Variants in LCORL observed in about 807,000 individuals in gnomAD.
The protein encoded by LCORL is ligand dependent nuclear receptor corepressor like, also known as ligand-dependent nuclear receptor corepressor-like protein.
In LCORL, 41 loss-of-function variants were observed where a neutral mutation model predicts 141.8. That is an observed-to-expected ratio of 0.29 (90% confidence interval 0.23 to 0.38). LCORL has a LOEUF of 0.38. LCORL is among the 10% of genes least tolerant of loss of function. The pLI is 1.00. For missense variants in LCORL, 1,759 were observed against 2,035.0 expected, an observed-to-expected ratio of 0.86 and a Z score of 2.61; for synonymous variants, 618 against 694.1, an observed-to-expected ratio of 0.89 and a Z score of 1.72.
intron 5 of LCORL, among the ~76,000 whole-genome samples, chr4:17,895,837 A>T (rs993632662): frequency 5.9e-5 from 9 of 152,172 alleles, no homozygotes; most frequent in Admixed American, 5.2e-4. Flanking sequence ...TACTTAGCAC[A>T]ATGTTTTTAA....
At chr4:17,877,071 T>A in exon 7 of LCORL, 1 of 1,230,760 alleles carries the variant, frequency 8.1e-7, no homozygotes, top group African/African-American at 1.6e-5. Flanking sequence ...TCTTGTAAAA[T>A]TTTCATCAAG....
chr4:18,013,213 C>A (rs1027714456), intron 1 of LCORL, among the ~76,000 whole-genome samples: 1 of 152,148 alleles, frequency 6.6e-6, no homozygotes. Context: ...TACTCTTCAG[C>A]CAGTGACCTT....
intron 1 of LCORL, among the ~76,000 whole-genome samples, chr4:17,990,293 G>T (rs948199608): frequency 6.6e-6 from 1 of 151,730 alleles, no homozygotes; most frequent in African/African-American, 2.4e-5. Context: ...ACAGATGGGG[G>T]TTTCACCATG....
intron 7 of LCORL, among the ~76,000 whole-genome samples, chr4:17,856,103 G>A (rs1724333033): frequency 6.6e-6 from 1 of 152,086 alleles, no homozygotes; most frequent in African/African-American, 2.4e-5. Flanking sequence ...TTCCAGTATG[G>A]CTTCTAGTGC....
intron 1 of LCORL, among the ~76,000 whole-genome samples, chr4:17,999,574 T>C (rs1721586745): frequency 6.6e-6 from 1 of 152,222 alleles, no homozygotes; most frequent in Non-Finnish European, 1.5e-5. Flanking sequence ...AAAATGTCTT[T>C]ACGTAGAACA....
At chr4:17,919,686 T>A (rs769180549) in intron 4 of LCORL, among the ~76,000 whole-genome samples, 13 of 152,198 alleles carry the variant, frequency 8.5e-5, no homozygotes, top group Non-Finnish European at 1.8e-4. Context: ...GATCATAACT[T>A]CCACAGCCCT....
exon 8 of LCORL, chr4:17,843,577 CA>C (rs1385663695): frequency 4.2e-6 from 3 of 716,974 alleles, no homozygotes; most frequent in Admixed American, 5.8e-5. Context: ...TGTATTAAAG[CA>C]GTAGAGCAGC....
At chr4:18,011,379 G>A (rs1478386159) in intron 1 of LCORL, among the ~76,000 whole-genome samples, 1 of 148,978 alleles carries the variant, frequency 6.7e-6, no homozygotes, top group African/African-American at 2.5e-5. Context: ...AACAACAGAT[G>A]TTCCAAATGA....
chr4:17,919,316 A>G (rs1397389446), intron 4 of LCORL, among the ~76,000 whole-genome samples: 1 of 152,198 alleles, frequency 6.6e-6, no homozygotes, highest in Non-Finnish European at 1.5e-5. Flanking sequence ...CCTCTACCAG[A>G]TATTTAGAGA....
intron 7 of LCORL, among the ~76,000 whole-genome samples, chr4:17,851,516 T>G (rs962580257): frequency 6.6e-6 from 1 of 152,220 alleles, no homozygotes; most frequent in Non-Finnish European, 1.5e-5. Flanking sequence ...GTTTCATATT[T>G]GTACAATGAA....
intron 5 of LCORL, among the ~76,000 whole-genome samples, chr4:17,900,477 C>T (rs1730697583): frequency 6.6e-6 from 1 of 152,168 alleles, no homozygotes; most frequent in Admixed American, 6.6e-5. Flanking sequence ...TCAGCTCAAA[C>T]TCACTTCTTT....
intron 1 of LCORL, among the ~76,000 whole-genome samples, chr4:17,992,378 C>T (rs946571821): frequency 5.9e-5 from 9 of 152,168 alleles, no homozygotes; most frequent in Admixed American, 2.0e-4. Flanking sequence ...TCCCCTAACA[C>T]GTGGGGATTA....
intron 7 of LCORL, among the ~76,000 whole-genome samples, chr4:17,857,675 T>C (rs970859933): frequency 6.6e-6 from 1 of 152,222 alleles, no homozygotes; most frequent in Non-Finnish European, 1.5e-5. Context: ...GAATTTTTAG[T>C]AGAATCCCTA....
Position 17,956,561 on chromosome 4 carries a change from A to G in LCORL, c.430+5342T>C, listed in dbSNP as rs530584421. The stretch of plus-strand genomic sequence containing the variant: ...AAAAAAGCCAGGCACAAAAAGACAT[A>G]TATCACATGTTCTCATTCATATGTG... On this transcript the variant is annotated intron_variant, in intron 4 of 7. Coordinates refer to ENST00000635767, the Ensembl canonical transcript of LCORL. Among the ~76,000 whole-genome samples the G allele has an allele frequency of 6.6e-5, 10 of 152,224 alleles. No homozygotes were observed. In the South Asian group the frequency reaches 1.4e-3, roughly 22 times the overall value.
At chr4:17,933,265 C>G (rs745532262) in intron 4 of LCORL, among the ~76,000 whole-genome samples, 2 of 152,084 alleles carry the variant, frequency 1.3e-5, no homozygotes, top group Non-Finnish European at 2.9e-5. Context: ...ATTATAGTTT[C>G]AACATGTTCC....
At chr4:17,843,488 A>C in exon 8 of LCORL, 1 of 1,562,264 alleles carries the variant, frequency 6.4e-7, no homozygotes, top group Non-Finnish European at 8.7e-7. Flanking sequence ...ATAAAGAAGA[A>C]GTTACCCTTG....
intron 4 of LCORL, among the ~76,000 whole-genome samples, chr4:17,919,241 G>T (rs1179123014): frequency 1.3e-5 from 2 of 152,086 alleles, no homozygotes; most frequent in Non-Finnish European, 2.9e-5. Context: ...AAAGCAAAGG[G>T]ACTGAATTCA....
At chr4:17,940,711 T>C (rs541814666) in intron 4 of LCORL, among the ~76,000 whole-genome samples, 5 of 152,106 alleles carry the variant, frequency 3.3e-5, no homozygotes, top group African/African-American at 9.6e-5. Context: ...GAAGTAAATG[T>C]TACATTTCAA....
chr4:17,876,986 G>A (rs1726991533), exon 7 of LCORL: 2 of 1,230,522 alleles, frequency 1.6e-6, no homozygotes, highest in African/African-American at 3.1e-5. Flanking sequence ...GGTCATGATA[G>A]AATTCTCCTT....
Sources: gnomAD v4.1 joint callset for allele counts (sites outside exome capture counted in the v4.1 genomes callset) on GRCh38, gnomAD v4.1.1 for gene constraint, MANE v1.5 for transcripts, NCBI Gene and HGNC (gene_info 2026-07-23, HGNC 2026-07-21) for gene names.